POU6F2: variants seen among roughly 807,000 people sequenced by gnomAD.
POU6F2 encodes the protein POU class 6 homeobox 2.
A neutral mutation model predicts 71.3 loss-of-function variants in POU6F2; 31 were observed. The observed-to-expected ratio is 0.43, with a 90% CI of 0.33 to 0.59. The LOEUF (loss-of-function observed/expected upper bound fraction) is 0.59, where lower values mean the gene tolerates loss of function less well. Among genes scored for constraint, POU6F2 ranks in the 20% least tolerant of loss-of-function variants. POU6F2 has a pLI of 0.04. For missense variants in POU6F2, 783 were observed against 856.8 expected (o/e 0.91, Z 1.07); for synonymous variants, 347 against 355.7 (o/e 0.98, Z 0.27).
At chr7:39,274,210 A>C in intron 4 of POU6F2, among the ~76,000 whole-genome samples, 1 of 152,146 alleles carries the variant, frequency 6.6e-6, no homozygotes, top group Admixed American at 6.5e-5. Context: ...AAAAATGATA[A>C]AGGGGATATC....
chr7:39,116,192 CTAGGCAACA>C (rs1401528039), intron 2 of POU6F2, among the ~76,000 whole-genome samples: 1 of 152,244 alleles, frequency 6.6e-6, no homozygotes, highest in East Asian at 1.9e-4. Flanking sequence ...CAAGACCACC[CTAGGCAACA>C]TAGTGAGACT....
At chr7:39,115,075 C>T (rs906683682) in intron 2 of POU6F2, among the ~76,000 whole-genome samples, 18 of 152,130 alleles carry the variant, frequency 1.2e-4, no homozygotes, top group African/African-American at 3.1e-4. Context: ...ATGTCAGGTG[C>T]GTGTGGAAAG....
chr7:39,018,107 A>T (rs1265037981), intron 1 of POU6F2, among the ~76,000 whole-genome samples: 1 of 151,876 alleles, frequency 6.6e-6, no homozygotes, highest in East Asian at 1.9e-4. Flanking sequence ...ATTTGTCTGA[A>T]CTCTTTTAGT....
chr7:39,180,353 G>A (rs368260437), intron 2 of POU6F2, among the ~76,000 whole-genome samples: 276 of 152,198 alleles, frequency 1.8e-3, no homozygotes, highest in Non-Finnish European at 3.3e-3. Context: ...AATCTCAATC[G>A]AAGCTTTTTG....
intron 1 of POU6F2, among the ~76,000 whole-genome samples, chr7:38,995,003 G>A (rs1201637123): frequency 6.6e-6 from 1 of 152,126 alleles, no homozygotes; most frequent in Non-Finnish European, 1.5e-5. Flanking sequence ...CATTTCCCCA[G>A]AAGAAATCCC....
rs536912990 is a variant in POU6F2 at position 39,243,955 on chromosome 7, G to T, written c.598+36335G>T. Among the ~76,000 whole-genome samples the T allele has an allele frequency of 2.5e-3, 375 of 152,210 alleles. 2 individuals carry two copies. Among genetic ancestry groups the T allele is most frequent in the African/African-American group, 8.6e-3 (356 of 41,536 alleles). On this transcript the variant is annotated intron_variant, in intron 4 of 9. Transcript: ENST00000518318. ...TGTTGTCTTCAAGTTCTTAAAGCTT[G>T]TTGAGAGAGGAGACTTGAAGTTTTT...
At chr7:39,166,305 A>G (rs1279651556) in intron 2 of POU6F2, among the ~76,000 whole-genome samples, 1 of 152,246 alleles carries the variant, frequency 6.6e-6, no homozygotes, top group Non-Finnish European at 1.5e-5. Flanking sequence ...GGAAAATGCT[A>G]TATCCTATAA....
intron 2 of POU6F2, among the ~76,000 whole-genome samples, chr7:39,133,144 T>C (rs1792323500): frequency 1.3e-5 from 2 of 152,244 alleles, no homozygotes; most frequent in South Asian, 4.1e-4. Flanking sequence ...GTCATTTGCA[T>C]GCAATCAGAT....
chr7:39,350,203 C>CT (rs999742358), intron 5 of POU6F2, among the ~76,000 whole-genome samples: 23 of 147,984 alleles, frequency 1.6e-4, no homozygotes, highest in South Asian at 6.4e-4. Context: ...TTAGAGATTC[C>CT]TTTTTTTTTT....
intron 4 of POU6F2, among the ~76,000 whole-genome samples, chr7:39,319,528 C>T (rs1486860756): frequency 6.6e-6 from 1 of 152,160 alleles, no homozygotes; most frequent in African/African-American, 2.4e-5. Flanking sequence ...CACCTCTGCA[C>T]GGGACTCTCT....
chr7:39,066,735 T>G (rs1790761300), intron 1 of POU6F2, among the ~76,000 whole-genome samples: 1 of 150,970 alleles, frequency 6.6e-6, no homozygotes, highest in Non-Finnish European at 1.5e-5. Context: ...CTTTTTATTT[T>G]AGAATTTGAC....
At chr7:39,436,173 G>C (rs934915277) in intron 7 of POU6F2, among the ~76,000 whole-genome samples, 1 of 152,150 alleles carries the variant, frequency 6.6e-6, no homozygotes, top group African/African-American at 2.4e-5. Flanking sequence ...GTCAGTGGTA[G>C]TTTGATGGGT....
intron 4 of POU6F2, among the ~76,000 whole-genome samples, chr7:39,273,686 T>G (rs1784381368): frequency 1.3e-5 from 2 of 152,118 alleles, no homozygotes; most frequent in East Asian, 1.9e-4. Context: ...GGTTTGTTTT[T>G]TTTTTTAAAG....
At position 39,000,530 on chromosome 7, in the gene POU6F2, G is replaced by GAC. The variant is rs5883670; in HGVS notation, c.105+22507_105+22508dup. 4.8e-3 allele frequency among the ~76,000 whole-genome samples: 677 copies of GAC among 141,236 alleles called. 5 individuals are homozygous for GAC. Among genetic ancestry groups the GAC allele is most frequent in the African/African-American group, 0.014 (538 of 38,252 alleles). The allele number at this position is 141,236 out of a possible 152,430, so 92.7% of individuals were successfully genotyped here. On this transcript the variant is annotated intron_variant, in intron 1 of 9. Transcript: ENST00000518318. Reference sequence around the variant, plus strand: ...TCTCCATTTTCTCAACATACCCACAGACACACACACACACACACACACACA... The same window carrying GAC: ...TCTCCATTTTCTCAACATACCCACAGACACACACACACACACACACACACACA...
chr7:39,326,518 C>T (rs914128839), intron 4 of POU6F2, among the ~76,000 whole-genome samples: 1 of 152,200 alleles, frequency 6.6e-6, no homozygotes, highest in East Asian at 1.9e-4. Flanking sequence ...GTTATCCAAA[C>T]ATCAATTAAG....
chr7:39,135,371 T>G (rs1011803880), intron 2 of POU6F2, among the ~76,000 whole-genome samples: 1 of 152,188 alleles, frequency 6.6e-6, no homozygotes, highest in Admixed American at 6.6e-5. Context: ...AACCTAAGTC[T>G]GACAGCCCAC....
chr7:39,419,000 T>C (rs1358886608), intron 6 of POU6F2, among the ~76,000 whole-genome samples: 2 of 144,122 alleles, frequency 1.4e-5, no homozygotes, highest in Non-Finnish European at 3.0e-5. Context: ...TATATGTGTA[T>C]ATATGTGTAT....
At chr7:39,155,463 TA>T (rs1366453459) in intron 2 of POU6F2, among the ~76,000 whole-genome samples, 1 of 152,120 alleles carries the variant, frequency 6.6e-6, no homozygotes, top group Non-Finnish European at 1.5e-5. Flanking sequence ...GGGAGGAGCA[TA>T]AGAGAATGAT....
At chr7:39,351,904 T>C (rs1370536249) in intron 5 of POU6F2, among the ~76,000 whole-genome samples, 1 of 152,230 alleles carries the variant, frequency 6.6e-6, no homozygotes, top group Non-Finnish European at 1.5e-5. Context: ...TGTTAGTCTT[T>C]TCTCATGGTG....
Sources: allele counts gnomAD v4.1 joint callset (sites outside exome capture counted in the v4.1 genomes callset), GRCh38; gene constraint gnomAD v4.1.1; transcripts MANE v1.5; gene names NCBI Gene and HGNC (gene_info 2026-07-23, HGNC 2026-07-21).